Variants in OR9Q1 observed in about 807,000 individuals in gnomAD.
The protein encoded by OR9Q1 is olfactory receptor family 9 subfamily Q member 1, also known as olfactory receptor 9Q1.
For synonymous variants in OR9Q1, 153 were observed against 148.6 expected, an observed-to-expected ratio of 1.03 and a Z score of -0.22; for missense variants, 374 against 378.8, an observed-to-expected ratio of 0.99 and a Z score of 0.11.
chr11:58,076,780 C>T (rs1399442915), intron 2 of OR9Q1, among the ~76,000 whole-genome samples: 2 of 152,102 alleles, frequency 1.3e-5, no homozygotes, highest in South Asian at 4.1e-4. Flanking sequence ...AGACACCATG[C>T]CTAGCCTAAG....
chr11:58,131,048 G>C (rs1854136240), intron 2 of OR9Q1, among the ~76,000 whole-genome samples: 1 of 152,160 alleles, frequency 6.6e-6, no homozygotes, highest in Non-Finnish European at 1.5e-5. Context: ...TTGGATGTGA[G>C]GAGCCTGGAG....
chr11:58,161,549 G>GTT (rs567452505), intron 2 of OR9Q1, among the ~76,000 whole-genome samples: 11,272 of 145,876 alleles, frequency 0.077, 534 homozygotes, highest in Admixed American at 0.15. Flanking sequence ...GGCTTATTCT[G>GTT]TTTTTTTTTT....
intron 2 of OR9Q1, among the ~76,000 whole-genome samples, chr11:58,102,580 T>G (rs1299360291): frequency 1.3e-5 from 2 of 152,008 alleles, no homozygotes; most frequent in Non-Finnish European, 2.9e-5. Flanking sequence ...CTTTCAGCAT[T>G]TTGAGTATAT....
At chr11:58,116,097 A>AG (rs1179545844) in intron 2 of OR9Q1, among the ~76,000 whole-genome samples, 3 of 152,194 alleles carry the variant, frequency 2.0e-5, no homozygotes, top group Non-Finnish European at 4.4e-5. Context: ...TAGGCAGCCC[A>AG]GGGCCCATAG....
At chr11:58,061,832 G>C (rs1374966534) in intron 2 of OR9Q1, among the ~76,000 whole-genome samples, 1 of 152,194 alleles carries the variant, frequency 6.6e-6, no homozygotes, top group Non-Finnish European at 1.5e-5. Context: ...GGTGCCAGCG[G>C]TGGTTACAAT....
chr11:58,053,095 C>T (rs377265156), intron 1 of OR9Q1, among the ~76,000 whole-genome samples: 6,032 of 151,818 alleles, frequency 0.04, 106 homozygotes, highest in East Asian at 0.059. Context: ...TATCCCATTA[C>T]TGGGTATATA....
At chr11:58,028,722 C>A (rs1853000011) in intron 1 of OR9Q1, among the ~76,000 whole-genome samples, 1 of 152,168 alleles carries the variant, frequency 6.6e-6, no homozygotes, top group South Asian at 2.1e-4. Flanking sequence ...GTGTCTGGGG[C>A]TGCAATGCAA....
chr11:58,037,258 A>G (rs1853108788), intron 1 of OR9Q1, among the ~76,000 whole-genome samples: 1 of 152,182 alleles, frequency 6.6e-6, no homozygotes, highest in South Asian at 2.1e-4. Flanking sequence ...TTTCTTAGAC[A>G]TAATGCTATT....
intron 2 of OR9Q1, among the ~76,000 whole-genome samples, chr11:58,059,553 G>C (rs535106496): frequency 6.6e-6 from 1 of 151,612 alleles, no homozygotes; most frequent in East Asian, 1.9e-4. Context: ...AAAATTAGCC[G>C]GGTGTGGTGG....
At chr11:58,169,533 G>C (rs1484076238) in intron 2 of OR9Q1, among the ~76,000 whole-genome samples, 1 of 152,000 alleles carries the variant, frequency 6.6e-6, no homozygotes, top group Non-Finnish European at 1.5e-5. Context: ...TTTTAATACA[G>C]GTGTGCAACA....
At chr11:58,056,624 A>G (rs1163355272) in intron 2 of OR9Q1, among the ~76,000 whole-genome samples, 1 of 152,236 alleles carries the variant, frequency 6.6e-6, no homozygotes, top group African/African-American at 2.4e-5. Context: ...CATTTGCACT[A>G]CAACAGCAGA....
intron 2 of OR9Q1, among the ~76,000 whole-genome samples, chr11:58,068,516 C>T (rs1853454891): frequency 6.6e-6 from 1 of 152,132 alleles, no homozygotes; most frequent in African/African-American, 2.4e-5. Context: ...AACCCTCAGA[C>T]ACTTCCCAAG....
chr11:58,122,318 G>A (rs974865587), intron 2 of OR9Q1, among the ~76,000 whole-genome samples: 5 of 152,198 alleles, frequency 3.3e-5, no homozygotes, highest in African/African-American at 4.8e-5. Flanking sequence ...GTCTGGGGAC[G>A]AGTCAGCTTC....
At chr11:58,159,893 C>G (rs574814458) in intron 2 of OR9Q1, among the ~76,000 whole-genome samples, 1 of 152,294 alleles carries the variant, frequency 6.6e-6, no homozygotes, top group East Asian at 1.9e-4. Context: ...TTGATAGATG[C>G]CTCCGTCAAG....
intron 2 of OR9Q1, among the ~76,000 whole-genome samples, chr11:58,139,315 G>A (rs1854220320): frequency 6.6e-6 from 1 of 151,552 alleles, no homozygotes; most frequent in Non-Finnish European, 1.5e-5. Flanking sequence ...TAAGTTTTAG[G>A]GTACATGTGC....
rs376699761 is a variant in OR9Q1 at position 58,180,025 on chromosome 11, C to T, written c.581C>T (p.Thr194Ile). 1.6e-5 allele frequency: 26 copies of T among 1,614,148 alleles called. No homozygotes were observed. In the East Asian group the frequency reaches 4.9e-4, roughly 30 times the overall value. ...AAGTTGACCTGTGGGGAGAGCTACA[C>T]TCAAGAAGTGCTGATTATTATGTTT... Reference protein sequence around the residue: ...LLKLTCGESYTQEVLIIMFAI... With the variant: ...LLKLTCGESYIQEVLIIMFAI... The change falls in exon 3 of 3, where the codon ACT becomes ATT. Residue 194 changes from threonine to isoleucine, a missense_variant. Coordinates refer to ENST00000335397, the MANE Select transcript of OR9Q1 (RefSeq NM_001005212.4).
chr11:58,041,645 A>G (rs957225771), intron 1 of OR9Q1: 11 of 152,330 alleles, frequency 7.2e-5, no homozygotes, highest in African/African-American at 2.7e-4. Flanking sequence ...ACATTGGGCC[A>G]CTGGTTGTCA....
chr11:58,116,660 G>T (rs1853958040), intron 2 of OR9Q1: 1 of 152,066 alleles, frequency 6.6e-6, no homozygotes, highest in South Asian at 2.1e-4. Context: ...CTTCACCTTG[G>T]TCAACCTGGT....
chr11:58,025,473 G>A (rs2513722), intron 1 of OR9Q1, among the ~76,000 whole-genome samples: 147,745 of 152,330 alleles, frequency 0.97, 71,803 homozygotes, highest in East Asian at 1. Flanking sequence ...TGTTGGGATT[G>A]CAGGCGTGAG....
Sources: gnomAD v4.1 joint callset for allele counts (sites outside exome capture counted in the v4.1 genomes callset) on GRCh38, gnomAD v4.1.1 for gene constraint, MANE v1.5 for transcripts, NCBI Gene and HGNC (gene_info 2026-07-23, HGNC 2026-07-21) for gene names.